Variants in SAXO1 observed in about 807,000 individuals in gnomAD.
SAXO1 encodes the protein stabilizer of axonemal microtubules 1.
Under a neutral mutation model 17.5 loss-of-function variants are expected in SAXO1, and 21 were observed. That is an observed-to-expected ratio of 1.20 (90% CI 0.85 to 1.72). The LOEUF (loss-of-function observed/expected upper bound fraction) is 1.72, where lower values mean the gene tolerates loss of function less well. Among genes scored for constraint, SAXO1 ranks in the 40% most tolerant of loss-of-function variants. SAXO1 has a pLI of 0.00. For synonymous variants in SAXO1, 274 were observed against 216.5 expected (o/e 1.27, Z -2.33); for missense variants, 843 against 596.0 (o/e 1.41, Z -4.32).
chr9:18,929,307 G>C (rs1295976271), intron 3 of SAXO1, among the ~76,000 whole-genome samples: 1 of 152,222 alleles, frequency 6.6e-6, no homozygotes, highest in Non-Finnish European at 1.5e-5. Context: ...GGATCTTAGA[G>C]GGTCCATGGT....
chr9:19,028,275 C>G (rs997612210), intron 1 of SAXO1: 3 of 642,728 alleles, frequency 4.7e-6, no homozygotes, highest in Non-Finnish European at 7.9e-6. Flanking sequence ...GCTCGGGAGG[C>G]TGAGGCAGGA....
At chr9:18,964,165 C>A (rs190196220) in intron 1 of SAXO1, among the ~76,000 whole-genome samples, 1 of 152,122 alleles carries the variant, frequency 6.6e-6, no homozygotes, top group African/African-American at 2.4e-5. Context: ...CTGCTCGATT[C>A]GGTTTGCCAG....
chr9:18,979,821 A>C (rs1476017869), intron 1 of SAXO1, among the ~76,000 whole-genome samples: 1 of 152,228 alleles, frequency 6.6e-6, no homozygotes, highest in East Asian at 1.9e-4. Context: ...AGCCTGGGCA[A>C]AAGAGAAAGA....
intron 1 of SAXO1, among the ~76,000 whole-genome samples, chr9:19,008,780 G>A (rs1454272045): frequency 2.0e-5 from 3 of 152,172 alleles, no homozygotes; most frequent in African/African-American, 4.8e-5. Flanking sequence ...AAAGGAGAAG[G>A]AGGGGACCCC....
intron 1 of SAXO1, among the ~76,000 whole-genome samples, chr9:18,996,538 T>A (rs1380555617): frequency 6.6e-6 from 1 of 152,190 alleles, no homozygotes; most frequent in Non-Finnish European, 1.5e-5. Context: ...TATGGAACCA[T>A]CATCATATAT....
At chr9:18,986,537 G>T (rs1413945006) in intron 1 of SAXO1, among the ~76,000 whole-genome samples, 1 of 151,958 alleles carries the variant, frequency 6.6e-6, no homozygotes, top group East Asian at 1.9e-4. Context: ...AATAAAATGG[G>T]AATTTGACCT....
intron 1 of SAXO1, among the ~76,000 whole-genome samples, chr9:19,040,362 A>G (rs908689825): frequency 1.3e-5 from 2 of 152,136 alleles, no homozygotes; most frequent in African/African-American, 4.8e-5. Flanking sequence ...ATGTTAGAAA[A>G]TGTTTTTAAA....
At chr9:18,939,264 G>A (rs1831446642) in intron 3 of SAXO1, among the ~76,000 whole-genome samples, 1 of 152,190 alleles carries the variant, frequency 6.6e-6, no homozygotes, top group African/African-American at 2.4e-5. Context: ...GGATTAAAAA[G>A]GAGAAGAATG....
At chr9:18,971,174 G>A (rs1344245792) in intron 1 of SAXO1, among the ~76,000 whole-genome samples, 2 of 152,182 alleles carry the variant, frequency 1.3e-5, no homozygotes, top group Non-Finnish European at 2.9e-5. Flanking sequence ...GCAAGTGGCG[G>A]AGCAAGATGT....
chr9:18,950,283 A>G (rs1424850455), intron 2 of SAXO1, among the ~76,000 whole-genome samples: 1 of 56,032 alleles, frequency 1.8e-5, no homozygotes, highest in African/African-American at 1.1e-4. Flanking sequence ...CCCAATTCAA[A>G]ATTTACAGCA....
chr9:18,931,568 CT>C lies in SAXO1; in HGVS notation c.422-2514del, dbSNP rs563436272. Among the ~76,000 whole-genome samples, 49 of 152,216 alleles carry C rather than the reference CT, an allele frequency of 3.2e-4. No individual in the cohort carries two copies. In the South Asian group the frequency reaches 9.5e-3, roughly 30 times the overall value. ...GTTGTATAGAAAAATCTATCTTTAGCTTTTTAAAAAAGATACTGCCAAATGT... is the reference window on the plus strand; with the variant it reads ...GTTGTATAGAAAAATCTATCTTTAGCTTTTAAAAAAGATACTGCCAAATGT... On this transcript the variant is annotated intron_variant, in intron 3 of 3. Transcript: ENST00000380534.
At chr9:19,028,900 A>T (rs1048032604) in intron 1 of SAXO1, among the ~76,000 whole-genome samples, 79 of 152,340 alleles carry the variant, frequency 5.2e-4, no homozygotes, top group African/African-American at 1.8e-3. Flanking sequence ...GCTGGACCCT[A>T]AACTCTAATT....
rs34119945 is a variant in SAXO1, at chr9:18,928,323, T to A, written c.1154A>T (p.Asn385Ile). The change falls in exon 4 of 4, where the codon AAT (asparagine) becomes ATT (isoleucine). Residue 385 changes from asparagine to isoleucine, a missense_variant. By Grantham distance (149) the Asn-to-Ile change is moderately radical (BLOSUM62 -3). Coordinates refer to ENST00000380534, the MANE Select transcript of SAXO1 (RefSeq NM_153707.4). ...RAHYVPHLPI[N>I]TKSCKPHWSG... ...CCAATGAGGCTTACAGCTTTTGGTA[T>A]TGATAGGCAGGTGGGGCACATAGTG... 2.5e-6 allele frequency: 4 copies of A among 1,613,338 alleles called. No individual in the cohort carries two copies. Among genetic ancestry groups the A allele is most frequent in the Admixed American group, 1.7e-5 (1 of 59,950 alleles).
chr9:18,930,883 T>C (rs773537118), intron 3 of SAXO1, among the ~76,000 whole-genome samples: 1 of 152,296 alleles, frequency 6.6e-6, no homozygotes, highest in Admixed American at 6.5e-5. Context: ...AGATTTAAAT[T>C]AGCCCTAGTG....
At chr9:19,043,445 T>C (rs1588578713) in intron 1 of SAXO1, among the ~76,000 whole-genome samples, 1 of 151,540 alleles carries the variant, frequency 6.6e-6, no homozygotes, top group Non-Finnish European at 1.5e-5. Flanking sequence ...GGTTAATAGG[T>C]ACAAAAAGTA....
chr9:18,953,959 G>C (rs1386162506), intron 1 of SAXO1, among the ~76,000 whole-genome samples: 2 of 152,182 alleles, frequency 1.3e-5, no homozygotes, highest in Non-Finnish European at 2.9e-5. Flanking sequence ...GCCCTGCCTA[G>C]GGCATTTAAA....
At chr9:18,972,152 G>A (rs1020575379) in intron 1 of SAXO1, among the ~76,000 whole-genome samples, 12 of 152,240 alleles carry the variant, frequency 7.9e-5, no homozygotes, top group Admixed American at 4.6e-4. Context: ...TCAAGGGAAT[G>A]AAGAGGTGTT....
intron 1 of SAXO1, among the ~76,000 whole-genome samples, chr9:18,981,435 C>T (rs998770513): frequency 1.3e-5 from 2 of 152,168 alleles, no homozygotes; most frequent in Non-Finnish European, 2.9e-5. Context: ...TTCCTCCTGA[C>T]CCTTACCCCC....
chr9:18,954,546 A>T (rs1832172451), intron 1 of SAXO1, among the ~76,000 whole-genome samples: 1 of 152,124 alleles, frequency 6.6e-6, no homozygotes, highest in African/African-American at 2.4e-5. Flanking sequence ...CATGCTTCCC[A>T]AGCTGGTATC....
Sources: allele counts gnomAD v4.1 joint callset (sites outside exome capture counted in the v4.1 genomes callset), GRCh38; gene constraint gnomAD v4.1.1; transcripts MANE v1.5; gene names NCBI Gene and HGNC (gene_info 2026-07-23, HGNC 2026-07-21).